The following RAB31 variants were observed in gnomAD, a reference collection of about 807,000 sequenced individuals.
The protein encoded by RAB31 is RAB31, member RAS oncogene family.
Under a neutral mutation model 25.6 loss-of-function variants are expected in RAB31, and 21 were observed. The observed-to-expected ratio is 0.82, with a 90% CI of 0.58 to 1.18. The LOEUF is 1.18. Among genes scored for constraint, RAB31 ranks in the 50% most tolerant of loss-of-function variants. The probability of loss-of-function intolerance (pLI) is 0.00; values close to 1 mark genes in which losing one functional copy is unlikely to be tolerated. For missense variants in RAB31, 196 were observed against 250.1 expected (o/e 0.78, Z 1.46); for synonymous variants, 87 against 84.0 (o/e 1.04, Z -0.20).
At chr18:9,719,223 T>C (rs915436267) in intron 1 of RAB31, among the ~76,000 whole-genome samples, 1 of 130,438 alleles carries the variant, frequency 7.7e-6, no homozygotes, top group Non-Finnish European at 1.5e-5. Flanking sequence ...GGAGCCGAGA[T>C]TGTGCCACTG....
intron 1 of RAB31, among the ~76,000 whole-genome samples, chr18:9,729,526 CAAA>C (rs11431212): frequency 1.5e-5 from 2 of 131,648 alleles, no homozygotes; most frequent in Admixed American, 7.6e-5. Context: ...GACTCCGTCT[CAAA>C]AAAAAAAAAA....
At chr18:9,813,913 A>C in intron 3 of RAB31, 107 bp from the exon 4 acceptor site, 1 of 624,250 alleles carries the variant, frequency 1.6e-6, no homozygotes. Context: ...TAGGGAAGGA[A>C]TTTAGGGATC....
chr18:9,793,003 C>T (rs968256743), intron 3 of RAB31, among the ~76,000 whole-genome samples: 1 of 152,152 alleles, frequency 6.6e-6, no homozygotes, highest in African/African-American at 2.4e-5. Flanking sequence ...GAAGGTCATG[C>T]CTTTAGATTC....
At chr18:9,753,077 C>T (rs2068243545) in intron 1 of RAB31, among the ~76,000 whole-genome samples, 1 of 152,194 alleles carries the variant, frequency 6.6e-6, no homozygotes, top group Non-Finnish European at 1.5e-5. Context: ...CTGTGGGATT[C>T]TTATTAAGTT....
chr18:9,812,721 A>G (rs1299822568), intron 3 of RAB31, among the ~76,000 whole-genome samples: 13 of 108,286 alleles, frequency 1.2e-4, no homozygotes, highest in Non-Finnish European at 2.2e-4. Flanking sequence ...TTTTTGAGAT[A>G]AAGTCTCACT....
chr18:9,711,396 A>T (rs892396206), intron 1 of RAB31, among the ~76,000 whole-genome samples: 1 of 152,128 alleles, frequency 6.6e-6, no homozygotes, highest in Admixed American at 6.5e-5. Context: ...TTTTTGAGAT[A>T]GGGTCTCACT....
intron 3 of RAB31, among the ~76,000 whole-genome samples, chr18:9,813,005 A>T (rs528707657): frequency 6.6e-6 from 1 of 152,144 alleles, no homozygotes; most frequent in South Asian, 2.1e-4. Context: ...CCCCTCCAGG[A>T]TACTTTTTAA....
At chr18:9,769,583 T>G (rs1275968561) in intron 1 of RAB31, among the ~76,000 whole-genome samples, 5 of 152,258 alleles carry the variant, frequency 3.3e-5, no homozygotes, top group Non-Finnish European at 5.9e-5. Flanking sequence ...TAAGGAGATT[T>G]TTGAGCTGAG....
At chr18:9,798,265 C>T (rs1457437959) in intron 3 of RAB31, among the ~76,000 whole-genome samples, 6 of 152,202 alleles carry the variant, frequency 3.9e-5, no homozygotes, top group South Asian at 2.1e-4. Context: ...CAGCCCTCGA[C>T]GGCCTGATTT....
At chr18:9,737,317 A>C (rs1261874251) in intron 1 of RAB31, among the ~76,000 whole-genome samples, 1 of 152,210 alleles carries the variant, frequency 6.6e-6, no homozygotes, top group Non-Finnish European at 1.5e-5. Flanking sequence ...GCACACACAC[A>C]CACACCCCCA....
chr18:9,858,536 C>G (rs895027881), intron 6 of RAB31, among the ~76,000 whole-genome samples: 6 of 152,310 alleles, frequency 3.9e-5, no homozygotes, highest in Admixed American at 3.9e-4. Context: ...TGTCATCTCC[C>G]TGGCCCCTTC....
chr18:9,834,523 T>C (rs1431134907), intron 5 of RAB31, among the ~76,000 whole-genome samples: 1 of 152,194 alleles, frequency 6.6e-6, no homozygotes, highest in South Asian at 2.1e-4. Context: ...CTGTCAGTCC[T>C]ATTGTGACAA....
At chr18:9,818,926 T>C (rs2068612487) in intron 5 of RAB31, among the ~76,000 whole-genome samples, 1 of 152,222 alleles carries the variant, frequency 6.6e-6, no homozygotes, top group Non-Finnish European at 1.5e-5. Context: ...CATGTGTGTA[T>C]CTTCTTTGGA....
At chr18:9,857,367 G>A (rs2017786) in intron 6 of RAB31, among the ~76,000 whole-genome samples, 53,849 of 151,738 alleles carry the variant, frequency 0.35, 10,366 homozygotes, top group East Asian at 0.58. Context: ...ATTGTCATTA[G>A]GTAACACCCA....
At chr18:9,729,139 A>G (rs1431016045) in intron 1 of RAB31, among the ~76,000 whole-genome samples, 1 of 152,180 alleles carries the variant, frequency 6.6e-6, no homozygotes, top group African/African-American at 2.4e-5. Context: ...TTAAAAAATC[A>G]TACCGATATT....
chr18:9,712,061 A>T (rs2068020418), intron 1 of RAB31, among the ~76,000 whole-genome samples: 1 of 152,158 alleles, frequency 6.6e-6, no homozygotes, highest in African/African-American at 2.4e-5. Flanking sequence ...AGCAGGTGGG[A>T]GTGAAAGTGG....
chr18:9,841,749 G>A (rs901054656), intron 5 of RAB31, among the ~76,000 whole-genome samples: 1 of 152,080 alleles, frequency 6.6e-6, no homozygotes, highest in Admixed American at 6.5e-5. Context: ...GGCAGAGGGA[G>A]GGACGGGGAA....
At chr18:9,797,692 T>C (rs966604966) in intron 3 of RAB31, among the ~76,000 whole-genome samples, 5 of 152,202 alleles carry the variant, frequency 3.3e-5, no homozygotes, top group African/African-American at 9.7e-5. Flanking sequence ...TACCCAGATA[T>C]TTCCACTATG....
chr18:9,769,207 A>G (rs1317852580), intron 1 of RAB31, among the ~76,000 whole-genome samples: 1 of 152,216 alleles, frequency 6.6e-6, no homozygotes, highest in Non-Finnish European at 1.5e-5. Flanking sequence ...TGAAATTCAA[A>G]GTAATTTTTT....
Sources: gnomAD v4.1 joint callset for allele counts (sites outside exome capture counted in the v4.1 genomes callset) on GRCh38, gnomAD v4.1.1 for gene constraint, MANE v1.5 for transcripts, NCBI Gene and HGNC (gene_info 2026-07-23, HGNC 2026-07-21) for gene names.